Variants in HPSE observed in about 807,000 individuals in gnomAD.
HPSE encodes heparanase.
HPSE carries 48 observed loss-of-function variants against 65.1 expected under a neutral mutation model. That is an observed-to-expected ratio of 0.74 (90% confidence interval 0.58 to 0.94). The LOEUF (loss-of-function observed/expected upper bound fraction) is 0.94, where lower values mean the gene tolerates loss of function less well. Among genes scored for constraint, HPSE ranks in the 40% least tolerant of loss-of-function variants. The probability of loss-of-function intolerance (pLI) is 0.00; values close to 1 mark genes in which losing one functional copy is unlikely to be tolerated. For missense variants in HPSE, 644 were observed against 637.5 expected, an observed-to-expected ratio of 1.01 and a Z score of -0.11; for synonymous variants, 243 against 260.0, an observed-to-expected ratio of 0.93 and a Z score of 0.63.
intron 2 of HPSE, among the ~76,000 whole-genome samples, chr4:83,319,952 G>A (rs1008087050): frequency 3.3e-5 from 5 of 151,412 alleles, no homozygotes; most frequent in East Asian, 1.9e-4. Context: ...CCCACGAGGC[G>A]GAGGTTGCAG....
intron 1 of HPSE, among the ~76,000 whole-genome samples, chr4:83,328,569 A>T (rs567292237): frequency 6.6e-6 from 1 of 152,294 alleles, no homozygotes; most frequent in South Asian, 2.1e-4. Flanking sequence ...AAATAAGATA[A>T]AGTGTTTATT....
upstream of HPSE, chr4:83,334,919 G>A (rs1737559984): frequency 8.9e-6 from 12 of 1,348,228 alleles, no homozygotes; most frequent in South Asian, 1.9e-4. Context: ...CCCTCCCACT[G>A]CGCCCTCCAT....
intron 10 of HPSE, 83 bp from the exon 11 acceptor site, chr4:83,301,189 A>AC: frequency 6.0e-6 from 5 of 827,666 alleles, no homozygotes; most frequent in Non-Finnish European, 9.3e-6. Flanking sequence ...GATCCTAAGT[A>AC]TTAGTATCCA....
At chr4:83,316,561 T>C (rs72938111) in intron 3 of HPSE, among the ~76,000 whole-genome samples, 5,929 of 152,222 alleles carry the variant, frequency 0.039, 395 homozygotes, top group African/African-American at 0.13. Context: ...TGTAAGTCTA[T>C]GTCAGCATCC....
intron 4 of HPSE, among the ~76,000 whole-genome samples, chr4:83,312,037 T>G (rs1012574713): frequency 6.6e-6 from 1 of 152,190 alleles, no homozygotes; most frequent in Non-Finnish European, 1.5e-5. Context: ...CTAGACCGTT[T>G]GGGCAGGTAA....
intron 6 of HPSE, among the ~76,000 whole-genome samples, chr4:83,309,696 A>C (rs1736291727): frequency 6.6e-6 from 1 of 152,080 alleles, no homozygotes; most frequent in African/African-American, 2.4e-5. Context: ...GAAATCAGTT[A>C]CTCTGTCTTG....
chr4:83,304,500 T>C (rs1321116315), intron 9 of HPSE, among the ~76,000 whole-genome samples: 1 of 152,142 alleles, frequency 6.6e-6, no homozygotes, highest in African/African-American at 2.4e-5. Context: ...TTGTATATGA[T>C]TAAAATTTTC....
Position 83,326,174 on chromosome 4 carries a change from A to G in HPSE, c.228-3810T>C, listed in dbSNP as rs1737148645. 6.6e-6 allele frequency among the ~76,000 whole-genome samples: 1 copy of G among 152,284 alleles called. No individual in the cohort carries two copies. The highest frequency in any genetic ancestry group is 1.5e-5 in the Non-Finnish European group (1 of 68,022). ...GGTAACAGCTCAGAGATGGAGAGAG[A>G]TGGATAAATTCAAGACACACTTAGA... is the stretch of plus-strand genomic sequence containing the variant. On this transcript the variant is annotated intron_variant, in intron 1 of 11. Transcript: ENST00000311412. This position sits in a 1 kb window ranked among gnomAD's most constrained non-coding sequence, Gnocchi z 4.2.
chr4:83,316,015 CT>C (rs1468235984), intron 3 of HPSE, among the ~76,000 whole-genome samples: 1 of 151,788 alleles, frequency 6.6e-6, no homozygotes, highest in Non-Finnish European at 1.5e-5. Context: ...CAAATCCATT[CT>C]TTTTTTCTTT....
intron 1 of HPSE, among the ~76,000 whole-genome samples, chr4:83,325,183 G>GTT (rs1405276201): frequency 7.8e-6 from 1 of 128,110 alleles, no homozygotes; most frequent in Non-Finnish European, 1.6e-5. Context: ...GTGTGTGTGT[G>GTT]TTTTGAGACA....
intron 4 of HPSE, among the ~76,000 whole-genome samples, chr4:83,312,538 C>A (rs1057354731): frequency 4.7e-5 from 7 of 147,704 alleles, no homozygotes; most frequent in African/African-American, 1.8e-4. Flanking sequence ...ATTAGCCGGG[C>A]GTGGTGGCGG....
In HPSE at chr4:83,321,881, C is replaced by T. The variant is rs112664689; in HGVS notation, c.373+338G>A. Among the ~76,000 whole-genome samples the T allele has an allele frequency of 6.2e-3, 940 of 151,974 alleles. 13 individuals are homozygous for T. The highest frequency in any genetic ancestry group is 0.022 in the African/African-American group (894 of 41,454). On this transcript the variant is annotated intron_variant, in intron 2 of 11. Transcript: ENST00000311412. The stretch of plus-strand genomic sequence containing the variant: ...TGGCTAGAAATGCTCTTTAGTTTGA[C>T]GCGATTCTACCCACTTGCTCCCTCC...
At chr4:83,331,169 AC>A (rs1335774179) in intron 1 of HPSE, among the ~76,000 whole-genome samples, 1 of 151,910 alleles carries the variant, frequency 6.6e-6, no homozygotes, top group Non-Finnish European at 1.5e-5. Context: ...ACGCCATTGT[AC>A]TCTAGCTTGG....
At chr4:83,319,133 C>T (rs539288133) in intron 3 of HPSE, among the ~76,000 whole-genome samples, 1 of 152,038 alleles carries the variant, frequency 6.6e-6, no homozygotes, top group East Asian at 1.9e-4. Flanking sequence ...ATCTTTCATT[C>T]TGTGACTACT....
intron 6 of HPSE, 64 bp from the exon 7 acceptor site, chr4:83,309,559 T>C (rs1310931856): frequency 8.9e-6 from 8 of 898,508 alleles, no homozygotes; most frequent in Middle Eastern, 2.1e-4. Context: ...TTTAGGTTAA[T>C]TGCTGACCTT....
chr4:83,312,779 C>G lies in HPSE; in HGVS notation c.673+335G>C, dbSNP rs1236076042. Among the ~76,000 whole-genome samples the G allele has an allele frequency of 1.5e-5, 2 of 129,834 alleles. 1 individual carries two copies. Among genetic ancestry groups the G allele is most frequent in the South Asian group, 5.2e-4 (2 of 3,876 alleles). 85.2% of individuals were successfully genotyped at this position (129,834 alleles called of 152,430 possible). ...TTGGGAGGCCGAGGAGGGCAGATCA[C>G]GAGGTCAGGAGATCAAGACCATCCT... On this transcript the variant is annotated intron_variant, in intron 4 of 11. Coordinates refer to ENST00000311412, the MANE Select transcript of HPSE (RefSeq NM_001098540.3).
intron 3 of HPSE, among the ~76,000 whole-genome samples, chr4:83,317,576 G>A (rs760915753): frequency 2.0e-4 from 31 of 152,300 alleles, no homozygotes; most frequent in Middle Eastern, 3.4e-3. Context: ...AGCAAAGGAA[G>A]GCATTTCCCC....
intron 1 of HPSE, among the ~76,000 whole-genome samples, chr4:83,331,204 G>GA (rs559746321): frequency 4.1e-5 from 6 of 145,954 alleles, no homozygotes; most frequent in South Asian, 2.2e-4. Flanking sequence ...AATTGTCTCG[G>GA]AAAAAAAAAA....
At chr4:83,334,911 C>CA, upstream of HPSE, 1 of 1,384,436 alleles carries the variant, frequency 7.2e-7, no homozygotes, top group Non-Finnish European at 9.5e-7. Context: ...CTCCTCACCC[C>CA]TCCCACTGCG....
Sources: allele counts gnomAD v4.1 joint callset (sites outside exome capture counted in the v4.1 genomes callset), GRCh38; gene constraint gnomAD v4.1.1; non-coding constraint Gnocchi (gnomAD v3.1); transcripts MANE v1.5; gene names NCBI Gene and HGNC (gene_info 2026-07-23, HGNC 2026-07-21).